The following PITPNC1 variants were observed in gnomAD, a reference collection of about 807,000 sequenced individuals.
The protein encoded by PITPNC1 is cytoplasmic phosphatidylinositol transfer protein 1.
Under a neutral mutation model 44.7 loss-of-function variants are expected in PITPNC1, and 18 were observed. The observed-to-expected ratio is 0.40, with a 90% CI of 0.28 to 0.60. PITPNC1 has a LOEUF of 0.60. Among genes scored for constraint, PITPNC1 ranks in the 20% least tolerant of loss-of-function variants. The probability of loss-of-function intolerance (pLI) is 0.39; values close to 1 mark genes in which losing one functional copy is unlikely to be tolerated. For synonymous variants in PITPNC1, 141 were observed against 149.6 expected, an observed-to-expected ratio of 0.94 and a Z score of 0.42; for missense variants, 290 against 418.4, an observed-to-expected ratio of 0.69 and a Z score of 2.68.
chr17:67,387,924 T>G (rs1022296800), intron 1 of PITPNC1, among the ~76,000 whole-genome samples: 1 of 152,204 alleles, frequency 6.6e-6, no homozygotes, highest in African/African-American at 2.4e-5. Flanking sequence ...TGGACACGCA[T>G]CTCAGTTTCA....
At chr17:67,450,104 C>T (rs760357997) in intron 1 of PITPNC1, among the ~76,000 whole-genome samples, 1 of 152,216 alleles carries the variant, frequency 6.6e-6, no homozygotes, top group Non-Finnish European at 1.5e-5. Context: ...ACTTATACTT[C>T]CTGTAAACCC....
At chr17:67,411,442 C>T (rs925749535) in intron 1 of PITPNC1, among the ~76,000 whole-genome samples, 2 of 151,954 alleles carry the variant, frequency 1.3e-5, no homozygotes, top group African/African-American at 4.8e-5. Flanking sequence ...GTGGTTGGGC[C>T]GGGGAGGTGA....
chr17:67,573,745 A>G (rs1439206016), intron 4 of PITPNC1, among the ~76,000 whole-genome samples: 12 of 151,804 alleles, frequency 7.9e-5, no homozygotes, highest in Non-Finnish European at 1.8e-4. Context: ...GTATTTTTGT[A>G]GAGATGGGGG....
chr17:67,592,354 A>G (rs888237704), intron 5 of PITPNC1, among the ~76,000 whole-genome samples: 2 of 152,206 alleles, frequency 1.3e-5, no homozygotes, highest in Non-Finnish European at 2.9e-5. Context: ...GGACCTAACA[A>G]AGACCTGAAC....
In PITPNC1 at chr17:67,471,237, AT is replaced by A. The variant is rs1418244813; in HGVS notation, c.49-61564del. On this transcript the variant is annotated intron_variant, in intron 1 of 8. Coordinates refer to ENST00000581322, the MANE Select transcript of PITPNC1 (RefSeq NM_012417.4). ...TAAAAAAAAAATGTAAAAAAAAAAA[AT>A]GTAAAAAAAAAAAAAAAAGAAATTC... Among the ~76,000 whole-genome samples the A allele has an allele frequency of 1.2e-3, 176 of 147,836 alleles. 1 individual carries two copies. Among genetic ancestry groups the A allele is most frequent in the African/African-American group, 4.2e-3 (167 of 39,542 alleles).
chr17:67,420,678 C>T (rs1169694549), intron 1 of PITPNC1, among the ~76,000 whole-genome samples: 3 of 152,058 alleles, frequency 2.0e-5, no homozygotes, highest in East Asian at 1.9e-4. Flanking sequence ...GTAAACTGCC[C>T]GCCTCAGCCT....
chr17:67,629,061 G>A (rs1417056950), intron 5 of PITPNC1, among the ~76,000 whole-genome samples: 1 of 152,140 alleles, frequency 6.6e-6, no homozygotes, highest in Non-Finnish European at 1.5e-5. Context: ...TGCAATGAGG[G>A]ATCAATAAAA....
intron 7 of PITPNC1, among the ~76,000 whole-genome samples, chr17:67,670,600 A>T (rs1377547470): frequency 1.3e-5 from 2 of 151,872 alleles, no homozygotes; most frequent in Non-Finnish European, 2.9e-5. Context: ...ATACAAAAAA[A>T]TTAGCCGGGT....
intron 4 of PITPNC1, among the ~76,000 whole-genome samples, chr17:67,554,996 A>G (rs921314559): frequency 2.6e-5 from 4 of 152,254 alleles, no homozygotes; most frequent in South Asian, 2.1e-4. Context: ...ATATCCCATC[A>G]TACTCGGATA....
intron 1 of PITPNC1, among the ~76,000 whole-genome samples, chr17:67,385,093 G>A (rs968772282): frequency 1.3e-5 from 2 of 152,192 alleles, no homozygotes; most frequent in African/African-American, 4.8e-5. Flanking sequence ...TTGGTGGCTT[G>A]TTCTGGGAGG....
rs544624680 is a variant in PITPNC1 at position 67,434,196 on chromosome 17, T to C, written c.48+55994T>C. On this transcript the variant is annotated intron_variant, in intron 1 of 8. Transcript: ENST00000581322. ...GGGAATGAGGCTTATGGCTCCGTAA[T>C]GGTGATGTAATGCTGACACCTCAGC... Among the ~76,000 whole-genome samples the C allele has an allele frequency of 5.3e-5, 8 of 152,284 alleles. No homozygotes were observed. The South Asian group carries it at 1.7e-3, about 32-fold the overall frequency.
chr17:67,425,203 G>GCACGCACGCACACACA (rs1555649746), intron 1 of PITPNC1, among the ~76,000 whole-genome samples: 1 of 98,780 alleles, frequency 1.0e-5, no homozygotes, highest in Non-Finnish European at 2.0e-5. Flanking sequence ...GCACGCACAC[G>GCACGCACGCACACACA]CACACACACA....
intron 8 of PITPNC1, among the ~76,000 whole-genome samples, chr17:67,683,162 C>CAAAAAA (rs901577194): frequency 0.015 from 602 of 41,482 alleles, 18 homozygotes; most frequent in Non-Finnish European, 0.023. Context: ...AACTGAGTCT[C>CAAAAAA]AAAAAAAAAA....
chr17:67,577,659 A>G lies in PITPNC1; in HGVS notation c.295-527A>G, dbSNP rs558122975. Among the ~76,000 whole-genome samples, 531 of 151,502 alleles carry G rather than the reference A, an allele frequency of 3.5e-3. 5 individuals carry two copies. The highest frequency in any genetic ancestry group is 0.012 in the African/African-American group (517 of 41,518). ...TTTATTTTACTTTAAAAATAAATTT[A>G]TGTTTTAAAAATTAAAAATAAATTT... On this transcript the variant is annotated intron_variant, in intron 4 of 8. Coordinates refer to ENST00000581322, the MANE Select transcript of PITPNC1 (RefSeq NM_012417.4).
rs946027713 is a variant in PITPNC1 at position 67,443,791 on chromosome 17, C to T, written c.48+65589C>T. Among the ~76,000 whole-genome samples the T allele has an allele frequency of 3.8e-4, 57 of 151,978 alleles. 2 individuals are homozygous for T. The highest frequency in any genetic ancestry group is 3.4e-3 in the Admixed American group (51 of 15,180). ...TTGGAATTACAGGCGTCTGCCACCA[C>T]GCCTGGCTAATTTTTGTATTTCTAG... On this transcript the variant is annotated intron_variant, in intron 1 of 8. Coordinates refer to ENST00000581322, the MANE Select transcript of PITPNC1 (RefSeq NM_012417.4).
intron 6 of PITPNC1, among the ~76,000 whole-genome samples, chr17:67,665,670 C>T (rs2042411511): frequency 1.3e-5 from 2 of 152,156 alleles, no homozygotes; most frequent in South Asian, 4.1e-4. Context: ...GTCCCAGCCA[C>T]ATGTGTGTGA....
chr17:67,494,523 A>G (rs752218926), intron 1 of PITPNC1, among the ~76,000 whole-genome samples: 1 of 152,094 alleles, frequency 6.6e-6, no homozygotes, highest in Non-Finnish European at 1.5e-5. Context: ...ATGGCAACAG[A>G]TATTCAGATA....
At chr17:67,672,460 G>A (rs978210649) in intron 7 of PITPNC1, among the ~76,000 whole-genome samples, 4 of 151,754 alleles carry the variant, frequency 2.6e-5, no homozygotes, top group Non-Finnish European at 5.9e-5. Context: ...TTAGCTGGGC[G>A]TGGTGACAGG....
intron 8 of PITPNC1, among the ~76,000 whole-genome samples, chr17:67,680,328 G>A (rs886715420): frequency 3.9e-5 from 6 of 152,060 alleles, no homozygotes; most frequent in Admixed American, 1.3e-4. Context: ...AGGCTGGCAC[G>A]GTGGCTCACA....
Sources: gnomAD v4.1 joint callset for allele counts (sites outside exome capture counted in the v4.1 genomes callset) on GRCh38, gnomAD v4.1.1 for gene constraint, MANE v1.5 for transcripts, NCBI Gene and HGNC (gene_info 2026-07-23, HGNC 2026-07-21) for gene names.